The following PCDH7 variants were observed in gnomAD, a reference collection of about 807,000 sequenced individuals.
The protein encoded by PCDH7 is protocadherin-7.
Under a neutral mutation model 58.9 loss-of-function variants are expected in PCDH7, and 17 were observed. That is an observed-to-expected ratio of 0.29 (90% CI 0.20 to 0.43). The LOEUF (loss-of-function observed/expected upper bound fraction) is 0.43, where lower values mean the gene tolerates loss of function less well. PCDH7 is among the 20% of genes least tolerant of loss of function. The pLI, the probability that PCDH7 is intolerant of heterozygous loss-of-function variation, is 1.00. For missense variants in PCDH7, 1,274 were observed against 1,441.0 expected (o/e 0.88, Z 1.88); for synonymous variants, 664 against 616.4 (o/e 1.08, Z -1.14).
chr4:31,114,299 G>C (rs539634114), intron 3 of PCDH7, among the ~76,000 whole-genome samples: 7 of 151,998 alleles, frequency 4.6e-5, no homozygotes, highest in Admixed American at 1.3e-4. Context: ...TGGCATCTTT[G>C]GGTAAATAAT....
chr4:31,002,892 C>G (rs1752466582), intron 3 of PCDH7, among the ~76,000 whole-genome samples: 1 of 152,162 alleles, frequency 6.6e-6, no homozygotes, highest in South Asian at 2.1e-4. Flanking sequence ...TGTGCTCATA[C>G]CAGCCTGAGC....
intron 1 of PCDH7, among the ~76,000 whole-genome samples, chr4:30,905,572 T>C (rs552825245): frequency 6.6e-6 from 1 of 152,364 alleles, no homozygotes; most frequent in African/African-American, 2.4e-5. Flanking sequence ...TGCCTGACTT[T>C]GCAGCATGTA....
intron 3 of PCDH7, among the ~76,000 whole-genome samples, chr4:31,071,808 A>G (rs970776897): frequency 6.6e-6 from 1 of 152,038 alleles, no homozygotes; most frequent in Non-Finnish European, 1.5e-5. Flanking sequence ...CAGCATTGAG[A>G]AAGCTTTTCC....
At chr4:31,087,901 G>A (rs982681869) in intron 3 of PCDH7, among the ~76,000 whole-genome samples, 3 of 152,018 alleles carry the variant, frequency 2.0e-5, no homozygotes, top group Admixed American at 6.6e-5. Flanking sequence ...GAAATATAAT[G>A]ATCATACAAT....
chr4:31,068,551 G>T (rs1758281786), intron 3 of PCDH7, among the ~76,000 whole-genome samples: 1 of 151,964 alleles, frequency 6.6e-6, no homozygotes, highest in South Asian at 2.1e-4. Context: ...TTATTCTGCT[G>T]CAGAGTAAAT....
intron 3 of PCDH7, among the ~76,000 whole-genome samples, chr4:31,082,854 C>CT (rs1711712099): frequency 6.6e-6 from 1 of 152,156 alleles, no homozygotes; most frequent in Admixed American, 6.5e-5. Flanking sequence ...GTAATCCCAG[C>CT]ACTTTGGGAG....
chr4:30,972,385 C>A (rs999082997), intron 3 of PCDH7, among the ~76,000 whole-genome samples: 1 of 151,868 alleles, frequency 6.6e-6, no homozygotes, highest in African/African-American at 2.4e-5. Context: ...AAGGATTTTC[C>A]AATTCTAAGT....
intron 3 of PCDH7, among the ~76,000 whole-genome samples, chr4:31,106,089 T>C (rs1715538735): frequency 6.6e-6 from 1 of 151,830 alleles, no homozygotes; most frequent in African/African-American, 2.4e-5. Context: ...GAGTATTGTA[T>C]TAACTTTATG....
rs78765213 is a variant in PCDH7 at position 30,984,356 on chromosome 4, G to C, written c.*7+34141G>C. Reference sequence around the variant, plus strand: ...TTTGTCAGCAGAGTGTTTGTTCGACGCTTATTGTGAGAACATATGGAAAGA... The same window carrying C: ...TTTGTCAGCAGAGTGTTTGTTCGACCCTTATTGTGAGAACATATGGAAAGA... On this transcript the variant is annotated intron_variant, in intron 3 of 3. Coordinates refer to the PCDH7 transcript ENST00000509759. Among the ~76,000 whole-genome samples the C allele has an allele frequency of 4.1e-4, 63 of 152,208 alleles. No homozygotes were observed. The East Asian group carries it at 0.01, about 24-fold the overall frequency.
rs530721802 is a variant in PCDH7 at position 30,942,968 on chromosome 4, C to G, written c.288-7152C>G. On this transcript the variant is annotated intron_variant, in intron 2 of 3. Coordinates refer to the PCDH7 transcript ENST00000509759. Reference sequence around the variant, plus strand: ...CTATTTTTATGAATATCCTGGAATACTTTTTGAAAATTACAGTTTGTTTTT... The same window carrying G: ...CTATTTTTATGAATATCCTGGAATAGTTTTTGAAAATTACAGTTTGTTTTT... Among the ~76,000 whole-genome samples, 78 of 150,586 alleles carry G rather than the reference C, an allele frequency of 5.2e-4. 2 individuals are homozygous for G. The South Asian group carries it at 0.011, about 21-fold the overall frequency.
At chr4:30,955,324 A>G (rs1442453279) in intron 3 of PCDH7, among the ~76,000 whole-genome samples, 2 of 151,968 alleles carry the variant, frequency 1.3e-5, no homozygotes, top group Non-Finnish European at 2.9e-5. Flanking sequence ...ATTGGATAAC[A>G]TGGGGAAAAA....
intron 3 of PCDH7, among the ~76,000 whole-genome samples, chr4:31,065,524 G>A (rs1321278649): frequency 6.6e-6 from 1 of 151,882 alleles, no homozygotes; most frequent in Non-Finnish European, 1.5e-5. Context: ...CATGTAGTCA[G>A]CAAAGGAAAG....
chr4:31,074,279 C>A (rs1758789544), intron 3 of PCDH7, among the ~76,000 whole-genome samples: 1 of 150,874 alleles, frequency 6.6e-6, no homozygotes, highest in Non-Finnish European at 1.5e-5. Flanking sequence ...AATAGGAGAA[C>A]AATTTGTTCA....
chr4:31,053,197 A>T (rs534341523), intron 3 of PCDH7, among the ~76,000 whole-genome samples: 6 of 152,082 alleles, frequency 3.9e-5, no homozygotes, highest in Admixed American at 6.6e-5. Context: ...AGAGTTTTGC[A>T]TACCCATCAC....
At chr4:30,970,020 A>G (rs939917984) in intron 3 of PCDH7, among the ~76,000 whole-genome samples, 2 of 152,340 alleles carry the variant, frequency 1.3e-5, no homozygotes, top group African/African-American at 4.8e-5. Flanking sequence ...ATTGCACATG[A>G]GAAACTGAGG....
rs555089659 is a variant in PCDH7, at chr4:31,030,585, A to G, written c.*7+80370A>G. Reference sequence around the variant, plus strand: ...CTTATTTTAAATTATTGGTGCTAAGAAAAAAACAAGTAGAAAAAAAGACTG... The same window carrying G: ...CTTATTTTAAATTATTGGTGCTAAGGAAAAAACAAGTAGAAAAAAAGACTG... On this transcript the variant is annotated intron_variant, in intron 3 of 3. Transcript: ENST00000509759. Among the ~76,000 whole-genome samples, 6 of 128,050 alleles carry G rather than the reference A, an allele frequency of 4.7e-5. No individual in the cohort carries two copies. In the South Asian group the frequency reaches 1.3e-3, roughly 29 times the overall value. The allele number at this position is 128,050 out of a possible 152,430, so 84.0% of individuals were successfully genotyped here. A position where few individuals can be genotyped will look rare whatever the true frequency, so the allele number is the denominator to read the frequency against.
intron 1 of PCDH7, among the ~76,000 whole-genome samples, chr4:30,859,056 C>T (rs911481956): frequency 1.3e-5 from 2 of 152,184 alleles, no homozygotes; most frequent in Non-Finnish European, 2.9e-5. Flanking sequence ...ATCCTGCAAA[C>T]AGCCTTTCCT....
intron 3 of PCDH7, among the ~76,000 whole-genome samples, chr4:31,083,271 G>GA (rs1320618782): frequency 1.3e-5 from 2 of 151,710 alleles, no homozygotes; most frequent in Admixed American, 6.6e-5. Context: ...TTTTTTTAAA[G>GA]AAAAAAATTG....
intron 3 of PCDH7, among the ~76,000 whole-genome samples, chr4:31,035,356 C>T (rs187940101): frequency 6.8e-5 from 10 of 147,420 alleles, no homozygotes; most frequent in East Asian, 2.1e-4. Context: ...CGGGTTCAAG[C>T]GATTCTCGTG....
Sources: allele counts gnomAD v4.1 joint callset (sites outside exome capture counted in the v4.1 genomes callset), GRCh38; gene constraint gnomAD v4.1.1; transcripts MANE v1.5; gene names NCBI Gene and HGNC (gene_info 2026-07-23, HGNC 2026-07-21).